The following ACTR5 variants were observed in gnomAD, a reference collection of about 807,000 sequenced individuals.
ACTR5 encodes the protein actin-related protein 5.
Under a neutral mutation model 61.2 loss-of-function variants are expected in ACTR5, and 43 were observed. The ratio of observed to expected loss-of-function variants is 0.70; its 90% CI spans 0.55 to 0.91. The LOEUF (loss-of-function observed/expected upper bound fraction) is 0.91, where lower values mean the gene tolerates loss of function less well. Among genes scored for constraint, ACTR5 ranks in the 40% least tolerant of loss-of-function variants. The probability of loss-of-function intolerance (pLI) is 0.00; values close to 1 mark genes in which losing one functional copy is unlikely to be tolerated. For missense variants in ACTR5, 798 were observed against 782.2 expected (o/e 1.02, Z -0.24); for synonymous variants, 333 against 310.5 (o/e 1.07, Z -0.76).
At chr20:38,767,359 G>C in intron 7 of ACTR5, 105 bp from the exon 8 acceptor site, 2 of 910,730 alleles carry the variant, frequency 2.2e-6, no homozygotes, top group South Asian at 3.4e-5. Context: ...TTAGCTTTTT[G>C]TGTAGAAGTT....
intron 3 of ACTR5, among the ~76,000 whole-genome samples, chr20:38,753,385 T>TA (rs2084398497): frequency 6.6e-6 from 1 of 151,162 alleles, no homozygotes; most frequent in African/African-American, 2.4e-5. Flanking sequence ...AAACTACTGA[T>TA]ACACTCAACA....
At chr20:38,760,278 TG>T (rs1306842941) in intron 5 of ACTR5, among the ~76,000 whole-genome samples, 1 of 151,932 alleles carries the variant, frequency 6.6e-6, no homozygotes, top group Non-Finnish European at 1.5e-5. Context: ...AAAGCTGTGG[TG>T]GGTGATGAAG....
In ACTR5 at chr20:38,771,704, C is replaced by G. The variant is rs1601207202; in HGVS notation, c.1712C>G (p.Ser571Cys). 1 of 1,614,222 alleles carries G rather than the reference C, an allele frequency of 6.2e-7. No homozygotes were observed. The highest frequency in any genetic ancestry group is 8.5e-7 in the Non-Finnish European group (1 of 1,180,036). ...GGEYLKEHCA[S>C]NIYVPIRLPK... is the part of the protein sequence containing the mutation. The stretch of plus-strand genomic sequence containing the variant: ...GAGTACCTCAAGGAGCACTGTGCTT[C>G]CAACATCTATGTCCCCATCCGCCTG... The change falls in exon 9 of 9, where the codon TCC becomes TGC. Residue 571 changes from serine to cysteine, a missense_variant. Transcript: ENST00000243903.
chr20:38,748,541 C>A lies in ACTR5; in HGVS notation c.63C>A (p.Ala21=), dbSNP rs961410281. The change falls in exon 1 of 9, where the codon GCC becomes GCA. Residue 21 remains alanine (A), a synonymous_variant. Coordinates refer to ENST00000243903, the MANE Select transcript of ACTR5 (RefSeq NM_024855.4). ...CCGCACCGGACCCAGTGCTGGAGGC[C>A]GGCCCGGTGGCACACGGGCCACTGC... is the stretch of plus-strand genomic sequence containing the variant. ...ARAAPDPVLE[A]GPVAHGPLPV... The A allele has an allele frequency of 6.8e-5, 103 of 1,509,726 alleles. No homozygotes were observed. The highest frequency in any genetic ancestry group is 8.8e-5 in the Non-Finnish European group (100 of 1,133,726). 93.5% of individuals were successfully genotyped at this position (1,509,726 alleles called of 1,614,324 possible).
chr20:38,768,640 C>T (rs1386228947), intron 8 of ACTR5, among the ~76,000 whole-genome samples: 1 of 152,174 alleles, frequency 6.6e-6, no homozygotes, highest in African/African-American at 2.4e-5. Flanking sequence ...TACCCAAATT[C>T]CAGGCTCACA....
chr20:38,751,798 G>A (rs1281968336), intron 2 of ACTR5, among the ~76,000 whole-genome samples: 1 of 152,136 alleles, frequency 6.6e-6, no homozygotes, highest in East Asian at 1.9e-4. Flanking sequence ...CTGTGTCCTG[G>A]GAATTGGCAT....
chr20:38,753,691 G>T (rs1295461271), intron 3 of ACTR5, among the ~76,000 whole-genome samples: 5 of 151,866 alleles, frequency 3.3e-5, no homozygotes, highest in African/African-American at 1.2e-4. Flanking sequence ...CTTGGTAGTT[G>T]GATGATTTTT....
chr20:38,771,754 G>A lies in ACTR5; in HGVS notation c.1762G>A (p.Asp588Asn). The A allele has an allele frequency of 6.2e-7, 1 of 1,614,100 alleles. No homozygotes were observed. The highest frequency in any genetic ancestry group is 8.5e-7 in the Non-Finnish European group (1 of 1,180,020). ...GCCGAAGCAGGCCTCCCGCTCCTCAGATGCCCAGGCATCCAGCAAGGGCTC... is the reference window on the plus strand; with the variant it reads ...GCCGAAGCAGGCCTCCCGCTCCTCAAATGCCCAGGCATCCAGCAAGGGCTC... Reference protein sequence around the residue: ...RLPKQASRSSDAQASSKGSAA... With the variant: ...RLPKQASRSSNAQASSKGSAA... Residue 588 changes from aspartate (D) to asparagine (N), a missense_variant, in exon 9 of 9, where the codon GAT becomes AAT. Coordinates refer to ENST00000243903, the MANE Select transcript of ACTR5 (RefSeq NM_024855.4).
chr20:38,762,057 A>G (rs1427824075), intron 5 of ACTR5, among the ~76,000 whole-genome samples: 1 of 152,210 alleles, frequency 6.6e-6, no homozygotes, highest in Non-Finnish European at 1.5e-5. Context: ...TATTGTGCTC[A>G]TGGGTTTGGT....
In ACTR5 at chr20:38,748,616, G is replaced by A; in HGVS notation, c.138G>A (p.Trp46Ter). Residue 46 changes from tryptophan (W) to a stop codon, truncating the protein, a stop_gained, in exon 1 of 9, where the codon TGG becomes TGA. Coordinates refer to ENST00000243903, the MANE Select transcript of ACTR5 (RefSeq NM_024855.4). LOFTEE classifies it high-confidence loss of function. ...GGTCGTTCCAAGTCCGCGCTGGCTG[G>A]GCGTGTCCCGGGCAGGACCCAGGTC... ...DNGSFQVRAG[W>*]ACPGQDPGPE... is the part of the protein sequence containing the mutation. 1 of 1,523,248 alleles carries A rather than the reference G, an allele frequency of 6.6e-7. No homozygotes were observed. Among genetic ancestry groups the A allele is most frequent in the Non-Finnish European group, 8.8e-7 (1 of 1,137,564 alleles). 94.4% of individuals were successfully genotyped at this position (1,523,248 alleles called of 1,614,324 possible). A position where few individuals can be genotyped will look rare whatever the true frequency, so the allele number is the denominator to read the frequency against.
At chr20:38,764,344 C>T (rs1353112784) in intron 5 of ACTR5, among the ~76,000 whole-genome samples, 1 of 152,228 alleles carries the variant, frequency 6.6e-6, no homozygotes, top group Non-Finnish European at 1.5e-5. Context: ...TTACAGCATT[C>T]TTCCTTGGGA....
chr20:38,755,827 C>T, intron 4 of ACTR5, 30 bp from the exon 5 acceptor site: 2 of 1,612,678 alleles, frequency 1.2e-6, no homozygotes, highest in Non-Finnish European at 1.7e-6. Flanking sequence ...AAGCTACTTT[C>T]CTTCCTGTTT....
At chr20:38,759,625 T>C (rs1034745516) in intron 5 of ACTR5, among the ~76,000 whole-genome samples, 1 of 152,132 alleles carries the variant, frequency 6.6e-6, no homozygotes, top group African/African-American at 2.4e-5. Context: ...TTTACAATCA[T>C]CTCTATTTCA....
chr20:38,763,357 T>A (rs2084465910), intron 5 of ACTR5, among the ~76,000 whole-genome samples: 1 of 151,914 alleles, frequency 6.6e-6, no homozygotes, highest in Admixed American at 6.6e-5. Context: ...AAGCTGAGAG[T>A]CTTCCAGATC....
At position 38,750,170 on chromosome 20, in the gene ACTR5, C is replaced by T. The variant is rs761853960; in HGVS notation, c.536C>T (p.Ser179Leu). The change falls in exon 2 of 9, where the codon TCG (serine) becomes TTG (leucine). Residue 179 changes from serine (S) to leucine (L), a missense_variant. By Grantham distance (145) the Ser-to-Leu change is moderately radical (BLOSUM62 -2). Coordinates refer to ENST00000243903, the MANE Select transcript of ACTR5 (RefSeq NM_024855.4). The part of the protein sequence containing the change: ...FSFYHNKPKN[S>L]MCSGLIISSG... ...TTCTACCACAATAAGCCAAAGAACT[C>T]GATGTGCAGTGGGCTAATCATTTCA... The T allele has an allele frequency of 1.9e-6, 3 of 1,614,180 alleles. No homozygotes were observed. The highest frequency in any genetic ancestry group is 1.6e-4 in the Middle Eastern group (1 of 6,062).
intron 3 of ACTR5, among the ~76,000 whole-genome samples, chr20:38,754,202 T>G (rs1307667099): frequency 6.6e-6 from 1 of 152,234 alleles, no homozygotes; most frequent in Non-Finnish European, 1.5e-5. Flanking sequence ...AACCAGATTT[T>G]TATCATTTCT....
intron 7 of ACTR5, among the ~76,000 whole-genome samples, chr20:38,767,216 T>C (rs2084491861): frequency 6.6e-6 from 1 of 152,218 alleles, no homozygotes; most frequent in South Asian, 2.1e-4. Flanking sequence ...ATTATAAAAG[T>C]ATAAAAATTC....
At chr20:38,752,109 G>A in intron 2 of ACTR5, 22 bp from the exon 3 acceptor site, 1 of 1,606,100 alleles carries the variant, frequency 6.2e-7, no homozygotes, top group South Asian at 1.1e-5. Flanking sequence ...TTTCAGTGCT[G>A]TTTTCTACTG....
At chr20:38,759,233 C>T (rs1361072528) in intron 5 of ACTR5, among the ~76,000 whole-genome samples, 1 of 152,232 alleles carries the variant, frequency 6.6e-6, no homozygotes, top group Non-Finnish European at 1.5e-5. Flanking sequence ...TCTTATGCCG[C>T]TCAAGGCTGT....
Sources: gnomAD v4.1 joint callset for allele counts (sites outside exome capture counted in the v4.1 genomes callset) on GRCh38, gnomAD v4.1.1 for gene constraint, MANE v1.5 for transcripts, NCBI Gene and HGNC (gene_info 2026-07-23, HGNC 2026-07-21) for gene names.